HS3ST4: variants seen among roughly 807,000 people sequenced by gnomAD.
HS3ST4 encodes the protein heparan sulfate-glucosamine 3-sulfotransferase 4.
A neutral mutation model predicts 29.2 loss-of-function variants in HS3ST4; 17 were observed. That is an observed-to-expected ratio of 0.58 (90% confidence interval 0.40 to 0.87). The LOEUF is 0.87. Among genes scored for constraint, HS3ST4 ranks in the 40% least tolerant of loss-of-function variants. The pLI is 0.00. For missense variants in HS3ST4, 627 were observed against 634.5 expected, an observed-to-expected ratio of 0.99 and a Z score of 0.13; for synonymous variants, 314 against 285.7, an observed-to-expected ratio of 1.10 and a Z score of -1.00.
intron 1 of HS3ST4, among the ~76,000 whole-genome samples, chr16:26,098,895 T>A (rs1355569230): frequency 6.6e-6 from 1 of 152,018 alleles, no homozygotes; most frequent in Non-Finnish European, 1.5e-5. Flanking sequence ...CATGAGCTAA[T>A]CCTGTCCAAG....
intron 1 of HS3ST4, among the ~76,000 whole-genome samples, chr16:25,920,591 C>G (rs1968338055): frequency 7.9e-6 from 1 of 126,958 alleles, no homozygotes. Context: ...CTTCCCCTCA[C>G]TGCCGCCCCC....
At chr16:26,073,450 C>G (rs11648418) in intron 1 of HS3ST4, among the ~76,000 whole-genome samples, 26,878 of 152,084 alleles carry the variant, frequency 0.18, 3,246 homozygotes, top group Non-Finnish European at 0.26. Context: ...TCTTGGCTCA[C>G]TGTAGCCTTG....
chr16:26,081,287 CAAAA>C (rs11305983), intron 1 of HS3ST4, among the ~76,000 whole-genome samples: 1 of 131,026 alleles, frequency 7.6e-6, no homozygotes, highest in Admixed American at 7.5e-5. Context: ...AATCCTGTCT[CAAAA>C]AAAAAAAAAA....
At chr16:25,846,811 T>C (rs1967471223) in intron 1 of HS3ST4, among the ~76,000 whole-genome samples, 2 of 152,116 alleles carry the variant, frequency 1.3e-5, no homozygotes, top group Admixed American at 6.5e-5. Context: ...CCCCCAACAG[T>C]GGAGATGAAG....
chr16:26,077,517 G>A (rs950837339), intron 1 of HS3ST4, among the ~76,000 whole-genome samples: 1 of 152,152 alleles, frequency 6.6e-6, no homozygotes, highest in African/African-American at 2.4e-5. Context: ...GTTCCACTGT[G>A]CTTATTGAGC....
intron 1 of HS3ST4, among the ~76,000 whole-genome samples, chr16:25,961,444 T>A (rs1968791991): frequency 6.6e-6 from 1 of 152,202 alleles, no homozygotes; most frequent in Non-Finnish European, 1.5e-5. Flanking sequence ...AGATTCACAC[T>A]CATGTGATTT....
intron 1 of HS3ST4, among the ~76,000 whole-genome samples, chr16:25,831,552 C>T (rs1001849636): frequency 1.3e-5 from 2 of 151,904 alleles, no homozygotes; most frequent in African/African-American, 4.8e-5. Context: ...GACCATGCCA[C>T]TGTATTCCAG....
intron 1 of HS3ST4, among the ~76,000 whole-genome samples, chr16:26,087,610 T>C (rs1238651044): frequency 6.6e-6 from 1 of 152,132 alleles, no homozygotes; most frequent in Non-Finnish European, 1.5e-5. Flanking sequence ...GCTGATGACA[T>C]CTCTTGCTTG....
intron 1 of HS3ST4, among the ~76,000 whole-genome samples, chr16:25,913,975 T>C (rs1455646727): frequency 6.8e-6 from 1 of 147,576 alleles, no homozygotes; most frequent in Non-Finnish European, 1.5e-5. Flanking sequence ...GGTAGATGTG[T>C]ATGTGGTGTG....
At chr16:25,856,519 G>T (rs1296494021) in intron 1 of HS3ST4, among the ~76,000 whole-genome samples, 1 of 152,134 alleles carries the variant, frequency 6.6e-6, no homozygotes, top group Non-Finnish European at 1.5e-5. Context: ...AGAATGCTAT[G>T]TCCAGAGAGG....
At chr16:25,700,494 A>G (rs1458518518) in intron 1 of HS3ST4, among the ~76,000 whole-genome samples, 1 of 152,184 alleles carries the variant, frequency 6.6e-6, no homozygotes, top group Non-Finnish European at 1.5e-5. Context: ...ACATCCTAAC[A>G]TGATTTATTT....
At chr16:25,911,488 G>A (rs935326721) in intron 1 of HS3ST4, among the ~76,000 whole-genome samples, 3 of 138,724 alleles carry the variant, frequency 2.2e-5, no homozygotes, top group Non-Finnish European at 3.1e-5. Context: ...GTGGTGTTCC[G>A]TTGTGTGGTT....
rs958790875 is a variant in HS3ST4, at chr16:25,985,771, C to T, written c.735-149841C>T. On this transcript the variant is annotated intron_variant, in intron 1 of 1. Coordinates refer to ENST00000331351, the MANE Select transcript of HS3ST4 (RefSeq NM_006040.3). Reference sequence around the variant, plus strand: ...TGGTGATAATGGTTCACTACAGCCTCAACCGCTGGGCTCAAGTGATCCTCC... The same window carrying T: ...TGGTGATAATGGTTCACTACAGCCTTAACCGCTGGGCTCAAGTGATCCTCC... Among the ~76,000 whole-genome samples the T allele has an allele frequency of 2.6e-5, 4 of 152,130 alleles. No individual in the cohort carries two copies. The East Asian group carries it at 7.7e-4, about 29-fold the overall frequency.
chr16:25,869,217 G>A (rs181226288), intron 1 of HS3ST4, among the ~76,000 whole-genome samples: 48 of 152,192 alleles, frequency 3.2e-4, no homozygotes, highest in Non-Finnish European at 1.8e-4. Flanking sequence ...TGCTCTCCGT[G>A]GAGAAACAGC....
At chr16:26,044,932 C>T (rs540327645) in intron 1 of HS3ST4, among the ~76,000 whole-genome samples, 2 of 152,222 alleles carry the variant, frequency 1.3e-5, no homozygotes, top group African/African-American at 4.8e-5. Flanking sequence ...ACACTTAAGA[C>T]CCTGGACAGG....
intron 1 of HS3ST4, among the ~76,000 whole-genome samples, chr16:25,887,863 A>C (rs1481327310): frequency 2.0e-5 from 3 of 151,436 alleles, no homozygotes; most frequent in African/African-American, 4.9e-5. Flanking sequence ...ACGCCCAGCT[A>C]GTTTTTTGTA....
At position 25,719,065 on chromosome 16, in the gene HS3ST4, G is replaced by T. The variant is rs373099752; in HGVS notation, c.734+25914G>T. On this transcript the variant is annotated intron_variant, in intron 1 of 1. Coordinates refer to ENST00000331351, the MANE Select transcript of HS3ST4 (RefSeq NM_006040.3). ...TCTTCTGCACTGAAGTCTGAAAAAT[G>T]TCCACTTAGTTTAGATGTAGCTGGA... 1.4e-4 allele frequency among the ~76,000 whole-genome samples: 21 copies of T among 152,326 alleles called. No individual in the cohort carries two copies. In the South Asian group the frequency reaches 1.7e-3, roughly 12 times the overall value.
chr16:26,057,525 TG>T (rs1898424651), intron 1 of HS3ST4, among the ~76,000 whole-genome samples: 1 of 152,052 alleles, frequency 6.6e-6, no homozygotes, highest in East Asian at 1.9e-4. Flanking sequence ...GAGGCTGAGG[TG>T]GGCAGATCAT....
At chr16:25,972,272 A>G (rs55924338) in intron 1 of HS3ST4, among the ~76,000 whole-genome samples, 13,383 of 152,278 alleles carry the variant, frequency 0.088, 773 homozygotes, top group Non-Finnish European at 0.12. Flanking sequence ...TTACACAGCT[A>G]CTGCTGTGTA....
Sources: allele counts gnomAD v4.1 joint callset (sites outside exome capture counted in the v4.1 genomes callset), GRCh38; gene constraint gnomAD v4.1.1; transcripts MANE v1.5; gene names NCBI Gene and HGNC (gene_info 2026-07-23, HGNC 2026-07-21).